The following PTPRN2 variants were observed in gnomAD, a reference collection of about 807,000 sequenced individuals.
PTPRN2 encodes the protein protein tyrosine phosphatase receptor type N2.
A neutral mutation model predicts 118.8 loss-of-function variants in PTPRN2; 74 were observed. That is an observed-to-expected ratio of 0.62 (90% CI 0.52 to 0.76). The LOEUF (loss-of-function observed/expected upper bound fraction) is 0.76. Among genes scored for constraint, PTPRN2 ranks in the 30% least tolerant of loss-of-function variants. The pLI, the probability that PTPRN2 is intolerant of heterozygous loss-of-function variation, is 0.00. For synonymous variants in PTPRN2, 641 were observed against 608.0 expected (o/e 1.05, Z -0.80); for missense variants, 1,481 against 1,394.4 (o/e 1.06, Z -0.99).
At chr7:157,961,360 C>G (rs1801519563) in intron 11 of PTPRN2, among the ~76,000 whole-genome samples, 1 of 151,950 alleles carries the variant, frequency 6.6e-6, no homozygotes, top group South Asian at 2.1e-4. Context: ...GGTGAAGACC[C>G]ATCTCTACTG....
intron 11 of PTPRN2, among the ~76,000 whole-genome samples, chr7:157,962,158 A>G (rs1422734932): frequency 2.6e-5 from 4 of 152,226 alleles, no homozygotes; most frequent in Non-Finnish European, 5.9e-5. Flanking sequence ...AAAAATCCAG[A>G]GTCTTCTATT....
intron 10 of PTPRN2, among the ~76,000 whole-genome samples, chr7:158,101,253 A>G (rs184339069): frequency 6.6e-6 from 1 of 152,320 alleles, no homozygotes; most frequent in East Asian, 1.9e-4. Flanking sequence ...CGATAAAGCA[A>G]ACAAAAACAA....
At chr7:158,117,701 G>A (rs1421258127) in intron 9 of PTPRN2, among the ~76,000 whole-genome samples, 1 of 152,086 alleles carries the variant, frequency 6.6e-6, no homozygotes, top group East Asian at 1.9e-4. Flanking sequence ...TCACACACCA[G>A]GCTTTCCAAA....
Position 157,611,116 on chromosome 7 carries a change from C to T in PTPRN2, c.2345-7041G>A, listed in dbSNP as rs73744811. ...GCTGGTGTCCGGCTTCCACACTGGA[C>T]GCGTCAAAAGCAGGTCCCAGAGGAG... On this transcript the variant is annotated intron_variant, in intron 15 of 22. Transcript: ENST00000389418. This position sits in a 1 kb window ranked among gnomAD's most constrained non-coding sequence, Gnocchi z 5.9. Among the ~76,000 whole-genome samples the T allele has an allele frequency of 1.9e-4, 29 of 152,320 alleles. No homozygotes were observed. The highest frequency in any genetic ancestry group is 6.0e-4 in the African/African-American group (25 of 41,586).
intron 2 of PTPRN2, among the ~76,000 whole-genome samples, chr7:158,345,130 C>T (rs1033722698): frequency 6.6e-6 from 1 of 152,120 alleles, no homozygotes; most frequent in Non-Finnish European, 1.5e-5. Context: ...GGCAGGACCC[C>T]CACAGTCCAC....
At chr7:157,913,838 T>C (rs1181227083) in intron 11 of PTPRN2, among the ~76,000 whole-genome samples, 1 of 152,364 alleles carries the variant, frequency 6.6e-6, no homozygotes, top group African/African-American at 2.4e-5. Flanking sequence ...ATCAAGTTTA[T>C]GCTAACCTCA....
rs185554889 is a variant in PTPRN2 at position 157,579,975 on chromosome 7, G to A, written c.2497-1835C>T. ...ATCTGTTTCCAGCCTTCAACAGCGC[G>A]CCTGACCAGATAACCTCAGAATACA... On this transcript the variant is annotated intron_variant, in intron 17 of 22. Transcript: ENST00000389418. Among the ~76,000 whole-genome samples the A allele has an allele frequency of 6.6e-4, 101 of 152,308 alleles. No homozygotes were observed. The East Asian group carries it at 0.018, about 27-fold the overall frequency.
Position 158,489,645 on chromosome 7 carries a change from G to A in PTPRN2, c.163+90C>T. The A allele has an allele frequency of 2.2e-6, 3 of 1,368,004 alleles. No homozygotes were observed. The South Asian group carries it at 4.2e-5, about 19-fold the overall frequency. The allele number at this position is 1,368,004 out of a possible 1,614,324, so 84.7% of individuals were successfully genotyped here. ...GCGCCCCGGGCGGCCCCAGCTCCAG[G>A]CCAGCGGCGGGGCTCACCAGGCTGG... On this transcript the variant is annotated intron_variant, in intron 2 of 22. Coordinates refer to ENST00000389418, the MANE Select transcript of PTPRN2 (RefSeq NM_002847.5).
chr7:158,292,649 A>G (rs1800197529), intron 3 of PTPRN2, among the ~76,000 whole-genome samples: 1 of 152,240 alleles, frequency 6.6e-6, no homozygotes, highest in Admixed American at 6.5e-5. Flanking sequence ...GGTAAAGCCC[A>G]TTGTGCCTAG....
intron 12 of PTPRN2, among the ~76,000 whole-genome samples, chr7:157,703,991 T>A (rs1798206832): frequency 6.6e-6 from 1 of 152,064 alleles, no homozygotes; most frequent in Non-Finnish European, 1.5e-5. Context: ...ACGGCCTCTG[T>A]TTTTTCCAGC....
chr7:158,533,515 C>T (rs1018756321), intron 1 of PTPRN2, among the ~76,000 whole-genome samples: 52 of 152,308 alleles, frequency 3.4e-4, no homozygotes, highest in African/African-American at 1.1e-3. Context: ...TGTCCACTCC[C>T]GGAGGCACCG....
chr7:157,730,027 G>A (rs1020265478), intron 12 of PTPRN2, among the ~76,000 whole-genome samples: 1 of 152,208 alleles, frequency 6.6e-6, no homozygotes, highest in Non-Finnish European at 1.5e-5. Flanking sequence ...ACTTTCATTG[G>A]AAGATTTAGA....
intron 5 of PTPRN2, among the ~76,000 whole-genome samples, chr7:158,185,546 T>C (rs1019805083): frequency 1.3e-5 from 2 of 152,242 alleles, no homozygotes; most frequent in Middle Eastern, 3.2e-3. Flanking sequence ...AATTGGTTCA[T>C]AACATTTTTC....
intron 12 of PTPRN2, among the ~76,000 whole-genome samples, chr7:157,722,030 C>T (rs541626542): frequency 1.1e-4 from 16 of 152,314 alleles, no homozygotes; most frequent in South Asian, 8.3e-4. Flanking sequence ...AGTCTCGCCC[C>T]CCACCCCCGG....
In PTPRN2 at chr7:158,465,042, T is replaced by C. The variant is rs150313347; in HGVS notation, c.163+24693A>G. Among the ~76,000 whole-genome samples, 532 of 152,384 alleles carry C rather than the reference T, an allele frequency of 3.5e-3. 2 individuals carry two copies. The highest frequency in any genetic ancestry group is 6.0e-3 in the Non-Finnish European group (409 of 68,038). ...CTAGTTACAGAGGCTATGGTGTTCT[T>C]ATCGCAGACTGGAGCTAAGCTGCTG... On this transcript the variant is annotated intron_variant, in intron 2 of 22. Transcript: ENST00000389418.
Position 157,543,475 on chromosome 7 carries a change from G to C in PTPRN2, c.2977-2690C>G, listed in dbSNP as rs551916370. Among the ~76,000 whole-genome samples, 195 of 152,100 alleles carry C rather than the reference G, an allele frequency of 1.3e-3. 1 individual carries two copies. Among genetic ancestry groups the C allele is most frequent in the Admixed American group, 4.4e-3 (67 of 15,300 alleles). ...GGAACGCCCCTTCTCAGGCTGTCCT[G>C]GGACAACCACGGGGTGCCCACATAG... On this transcript the variant is annotated intron_variant, in intron 22 of 22. Transcript: ENST00000389418.
chr7:158,523,685 G>A (rs1015103211), intron 1 of PTPRN2, among the ~76,000 whole-genome samples: 40 of 134,570 alleles, frequency 3.0e-4, no homozygotes, highest in African/African-American at 9.6e-4. Flanking sequence ...GAGCGGAGTC[G>A]TCTGCCCTGG....
At chr7:157,751,131 T>TG (rs1179131082) in intron 12 of PTPRN2, among the ~76,000 whole-genome samples, 1 of 152,044 alleles carries the variant, frequency 6.6e-6, no homozygotes, top group African/African-American at 2.4e-5. Flanking sequence ...AGTAGTAGGC[T>TG]GGGGGGACCT....
chr7:157,848,829 G>C (rs1809066767), intron 12 of PTPRN2, among the ~76,000 whole-genome samples: 2 of 152,390 alleles, frequency 1.3e-5, no homozygotes, highest in Admixed American at 1.3e-4. Flanking sequence ...TAGTGGTGCA[G>C]CCAGCAGCCC....
Sources: gnomAD v4.1 joint callset for allele counts (sites outside exome capture counted in the v4.1 genomes callset) on GRCh38, gnomAD v4.1.1 for gene constraint, Gnocchi (gnomAD v3.1) non-coding constraint, MANE v1.5 for transcripts, NCBI Gene and HGNC (gene_info 2026-07-23, HGNC 2026-07-21) for gene names.